Variants in DAB1 observed in about 807,000 individuals in gnomAD.
The protein encoded by DAB1 is disabled homolog 1.
A neutral mutation model predicts 64.6 loss-of-function variants in DAB1; 15 were observed. The observed-to-expected ratio is 0.23, with a 90% confidence interval of 0.16 to 0.36. The LOEUF (loss-of-function observed/expected upper bound fraction) is 0.36. Among genes scored for constraint, DAB1 ranks in the 10% least tolerant of loss-of-function variants. The pLI is 1.00. For synonymous variants in DAB1, 235 were observed against 251.9 expected (o/e 0.93, Z 0.64); for missense variants, 596 against 706.7 (o/e 0.84, Z 1.78).
chr1:58,367,151 T>C (rs1416425577), intron 3 of DAB1, among the ~76,000 whole-genome samples: 1 of 152,210 alleles, frequency 6.6e-6, no homozygotes, highest in East Asian at 1.9e-4. Context: ...TAAATACTTA[T>C]TTATCCTGCC....
Position 58,199,067 on chromosome 1 carries a change from A to G in DAB1, n.310-48479T>C, listed in dbSNP as rs139277825. Among the ~76,000 whole-genome samples, 205 of 152,326 alleles carry G rather than the reference A, an allele frequency of 1.3e-3. 1 individual carries two copies. The East Asian group carries it at 0.037, about 27-fold the overall frequency. The stretch of plus-strand genomic sequence containing the variant: ...GGTTGCAGTGAGCCAAGATTGCACC[A>G]CTGTATACCAGCCTGGGTGGCAGTC... On this transcript the variant is annotated intron_variant and non_coding_transcript_variant, in intron 4 of 20. Coordinates refer to the DAB1 transcript ENST00000485760.
At chr1:58,093,614 A>T (rs1298445039) in intron 5 of DAB1, among the ~76,000 whole-genome samples, 1 of 151,910 alleles carries the variant, frequency 6.6e-6, no homozygotes, top group Admixed American at 6.6e-5. Context: ...TCCATGGAAA[A>T]ATTGTCTTCC....
intron 5 of DAB1, among the ~76,000 whole-genome samples, chr1:58,004,675 C>A (rs1005753348): frequency 1.3e-5 from 2 of 152,110 alleles, no homozygotes; most frequent in African/African-American, 2.4e-5. Flanking sequence ...ATGAAATTAT[C>A]CTGAGAAAAC....
chr1:58,055,398 A>G (rs1647988693), intron 5 of DAB1, among the ~76,000 whole-genome samples: 1 of 152,112 alleles, frequency 6.6e-6, no homozygotes, highest in African/African-American at 2.4e-5. Flanking sequence ...ATCTGTGCTC[A>G]CATATCACCT....
intron 2 of DAB1, among the ~76,000 whole-genome samples, chr1:57,166,193 G>A (rs760322457): frequency 1.3e-5 from 2 of 152,116 alleles, no homozygotes; most frequent in Non-Finnish European, 2.9e-5. Flanking sequence ...TTTGGTGGAT[G>A]AGGAGTTAAA....
chr1:57,416,698 A>T lies in DAB1; in HGVS notation c.-137+7232T>A, dbSNP rs983668029. Among the ~76,000 whole-genome samples the T allele has an allele frequency of 3.9e-5, 6 of 152,322 alleles. No individual in the cohort carries two copies. In the South Asian group the frequency reaches 1.2e-3, roughly 32 times the overall value. On this transcript the variant is annotated intron_variant, in intron 1 of 14. Coordinates refer to ENST00000371236, the MANE Select transcript of DAB1 (RefSeq NM_001365792.1). The stretch of plus-strand genomic sequence containing the variant: ...CAAAGAATTTCAATATTGTCTATGG[A>T]AAACAATTTACCCTAATCTTTTTAC...
At chr1:57,260,133 C>A (rs930947776) in intron 2 of DAB1, among the ~76,000 whole-genome samples, 2 of 152,096 alleles carry the variant, frequency 1.3e-5, no homozygotes, top group Non-Finnish European at 2.9e-5. Context: ...CAATGCAAAC[C>A]CTTCACCCCA....
intron 2 of DAB1, among the ~76,000 whole-genome samples, chr1:57,191,282 C>T (rs1302746295): frequency 2.0e-5 from 3 of 152,144 alleles, no homozygotes; most frequent in African/African-American, 4.8e-5. Flanking sequence ...GATATGGAGA[C>T]GCCCACACCT....
At chr1:57,577,655 C>T (rs561341016) in intron 7 of DAB1, among the ~76,000 whole-genome samples, 1 of 152,246 alleles carries the variant, frequency 6.6e-6, no homozygotes. Context: ...CTCTCATCAA[C>T]CCATATCTTA....
chr1:57,290,435 G>A (rs1558100883), intron 2 of DAB1, among the ~76,000 whole-genome samples: 1 of 152,124 alleles, frequency 6.6e-6, no homozygotes, highest in Admixed American at 6.5e-5. Context: ...CAGAAATGAA[G>A]GCTTTATCAA....
intron 1 of DAB1, among the ~76,000 whole-genome samples, chr1:57,330,798 T>A (rs1193309070): frequency 2.6e-5 from 4 of 152,016 alleles, no homozygotes; most frequent in Non-Finnish European, 5.9e-5. Flanking sequence ...GTCCAGACTG[T>A]TGGAAATGCT....
chr1:57,166,087 T>A (rs529870449), intron 2 of DAB1, among the ~76,000 whole-genome samples: 1 of 152,318 alleles, frequency 6.6e-6, no homozygotes, highest in East Asian at 1.9e-4. Flanking sequence ...CTCAGTAAGG[T>A]CCAAGTAGGT....
At chr1:57,340,664 T>TG (rs757084753) in intron 1 of DAB1, among the ~76,000 whole-genome samples, 5 of 151,980 alleles carry the variant, frequency 3.3e-5, no homozygotes, top group Admixed American at 1.3e-4. Flanking sequence ...TAACATTTAT[T>TG]GAGTATCAGT....
At chr1:57,072,169 G>T in intron 5 of DAB1, 114 bp downstream of exon 5, 1 of 1,196,404 alleles carries the variant, frequency 8.4e-7, no homozygotes, top group Non-Finnish European at 1.2e-6. Context: ...CAACTTCAGT[G>T]GAAATACATT....
At chr1:58,531,656 T>C (rs1369071668) in intron 1 of DAB1, among the ~76,000 whole-genome samples, 1 of 152,154 alleles carries the variant, frequency 6.6e-6, no homozygotes, top group East Asian at 1.9e-4. Flanking sequence ...TCCTTATATT[T>C]GCCTCATTAC....
At chr1:57,147,491 T>C (rs968581863) in intron 2 of DAB1, among the ~76,000 whole-genome samples, 1 of 152,012 alleles carries the variant, frequency 6.6e-6, no homozygotes, top group African/African-American at 2.4e-5. Flanking sequence ...AGCCTTTGAG[T>C]AATATTCCAC....
chr1:57,747,748 G>A (rs535374527), intron 6 of DAB1, among the ~76,000 whole-genome samples: 4 of 140,870 alleles, frequency 2.8e-5, no homozygotes, highest in Non-Finnish European at 6.0e-5. Flanking sequence ...GGCTGAGCTT[G>A]CAGTGAGCCA....
chr1:57,640,673 T>C (rs1180829458), intron 7 of DAB1, among the ~76,000 whole-genome samples: 3 of 152,162 alleles, frequency 2.0e-5, no homozygotes, highest in Admixed American at 6.5e-5. Context: ...GTTAAATGGG[T>C]TCAGCACTAA....
intron 5 of DAB1, among the ~76,000 whole-genome samples, chr1:57,919,085 A>G (rs867011154): frequency 6.6e-6 from 1 of 152,228 alleles, no homozygotes; most frequent in Non-Finnish European, 1.5e-5. Context: ...CTCAATTTGA[A>G]TCCTGGGTCC....
Sources: allele counts gnomAD v4.1 joint callset (sites outside exome capture counted in the v4.1 genomes callset), GRCh38; gene constraint gnomAD v4.1.1; transcripts MANE v1.5; gene names NCBI Gene and HGNC (gene_info 2026-07-23, HGNC 2026-07-21).